IQGAP2: variants seen among roughly 807,000 people sequenced by gnomAD.
The protein encoded by IQGAP2 is IQ motif containing GTPase activating protein 2.
In IQGAP2, 173 loss-of-function variants were observed where a neutral mutation model predicts 201.3. That is an observed-to-expected ratio of 0.86 (90% confidence interval 0.76 to 0.98). The LOEUF (loss-of-function observed/expected upper bound fraction) is 0.98, where lower values mean the gene tolerates loss of function less well. Among genes scored for constraint, IQGAP2 ranks in the 50% least tolerant of loss-of-function variants. The pLI is 0.00. For missense variants in IQGAP2, 1,687 were observed against 1,864.8 expected, an observed-to-expected ratio of 0.90 and a Z score of 1.76; for synonymous variants, 675 against 673.9, an observed-to-expected ratio of 1.00 and a Z score of -0.03.
intron 11 of IQGAP2, among the ~76,000 whole-genome samples, chr5:76,605,246 CCAGGCAGAAAAAAAGTAA>C: frequency 6.6e-6 from 1 of 151,946 alleles, no homozygotes; most frequent in South Asian, 2.1e-4. Context: ...TGAAATTTCC[CCAGGCAGAAAAAAAGTAA>C]TTGGAGTGGT....
chr5:76,702,999 T>C (rs1747546455), intron 35 of IQGAP2, among the ~76,000 whole-genome samples: 1 of 139,350 alleles, frequency 7.2e-6, no homozygotes, highest in African/African-American at 2.6e-5. Flanking sequence ...ATGGTTTTTC[T>C]TTTTTGTGGG....
chr5:76,698,443 C>T (rs1007116375), intron 33 of IQGAP2, among the ~76,000 whole-genome samples: 1 of 151,988 alleles, frequency 6.6e-6, no homozygotes, highest in Non-Finnish European at 1.5e-5. Context: ...TCTTTTTTAG[C>T]CAAAGATTTT....
intron 11 of IQGAP2, among the ~76,000 whole-genome samples, chr5:76,604,416 A>C (rs1425872250): frequency 1.3e-5 from 2 of 151,984 alleles, no homozygotes; most frequent in Non-Finnish European, 2.9e-5. Context: ...AGTCTTTGCT[A>C]TTGTGAACAG....
chr5:76,484,453 G>A (rs1246585985), intron 2 of IQGAP2, among the ~76,000 whole-genome samples: 1 of 151,938 alleles, frequency 6.6e-6, no homozygotes, highest in African/African-American at 2.4e-5. Context: ...TCCTTTATGG[G>A]GTGTTCCCCC....
At chr5:76,633,553 A>G (rs1458254965) in intron 15 of IQGAP2, among the ~76,000 whole-genome samples, 15 of 152,158 alleles carry the variant, frequency 9.9e-5, no homozygotes, top group Admixed American at 6.5e-5. Flanking sequence ...AATAATTTAT[A>G]TGCCATAAAA....
intron 1 of IQGAP2, among the ~76,000 whole-genome samples, chr5:76,426,781 T>C (rs570815765): frequency 6.6e-6 from 1 of 152,138 alleles, no homozygotes; most frequent in East Asian, 1.9e-4. Context: ...GCTGCATGGG[T>C]AATGAGGAAG....
chr5:76,590,237 T>C (rs903081039), intron 7 of IQGAP2, among the ~76,000 whole-genome samples, 171 bp from the exon 8 acceptor site: 6 of 152,192 alleles, frequency 3.9e-5, no homozygotes, highest in Non-Finnish European at 5.9e-5. Flanking sequence ...AAGACAGCCA[T>C]GTGGAGAGGT....
chr5:76,537,851 A>G (rs1759715801), intron 2 of IQGAP2, among the ~76,000 whole-genome samples: 1 of 152,100 alleles, frequency 6.6e-6, no homozygotes, highest in African/African-American at 2.4e-5. Flanking sequence ...TGGTGTCACA[A>G]TTTGGACCCT....
At chr5:76,456,782 T>G (rs1400971111) in intron 1 of IQGAP2, among the ~76,000 whole-genome samples, 1 of 152,148 alleles carries the variant, frequency 6.6e-6, no homozygotes, top group African/African-American at 2.4e-5. Flanking sequence ...AATAACAATG[T>G]GTATTTATAA....
At chr5:76,702,756 C>T (rs1442724060) in intron 35 of IQGAP2, among the ~76,000 whole-genome samples, 166 bp downstream of exon 35, 1 of 140,364 alleles carries the variant, frequency 7.1e-6, no homozygotes, top group Admixed American at 7.2e-5. Flanking sequence ...AGAGCTGTGA[C>T]TTTTCAAATG....
intron 1 of IQGAP2, among the ~76,000 whole-genome samples, chr5:76,420,644 G>A (rs539447145): frequency 6.6e-6 from 1 of 152,192 alleles, no homozygotes; most frequent in East Asian, 1.9e-4. Context: ...CAAAGGGCTG[G>A]GATTACAGGC....
At chr5:76,464,998 G>A (rs1384288665) in intron 2 of IQGAP2, among the ~76,000 whole-genome samples, 1 of 152,128 alleles carries the variant, frequency 6.6e-6, no homozygotes, top group African/African-American at 2.4e-5. Flanking sequence ...AATGTTTAAA[G>A]AAGAATTAAG....
At chr5:76,705,736 G>A (rs1033455009) in intron 35 of IQGAP2, among the ~76,000 whole-genome samples, 1 of 152,196 alleles carries the variant, frequency 6.6e-6, no homozygotes, top group Non-Finnish European at 1.5e-5. Context: ...GGAAGTGGAG[G>A]AGGAAGCTGC....
intron 28 of IQGAP2, among the ~76,000 whole-genome samples, chr5:76,681,169 T>G (rs1745261759): frequency 6.6e-6 from 1 of 151,078 alleles, no homozygotes; most frequent in Non-Finnish European, 1.5e-5. Context: ...TATGTTTGAT[T>G]GGGGACTTGT....
chr5:76,672,575 T>C (rs1744431216), intron 24 of IQGAP2, among the ~76,000 whole-genome samples: 1 of 152,210 alleles, frequency 6.6e-6, no homozygotes, highest in Admixed American at 6.5e-5. Context: ...AATAAGTATT[T>C]GGAATCGTGG....
rs1015433888 is a variant in IQGAP2, at chr5:76,403,323, C to A, written c.-223C>A. ...GAGGCGGCGGCGACCGGCCAGGGAG[C>A]GAGGGAGGAGAGTTCACTTTTACTT... On this transcript the variant is annotated 5_prime_UTR_variant, in exon 1 of 36. Coordinates refer to ENST00000274364, the MANE Select transcript of IQGAP2 (RefSeq NM_006633.5). The surrounding 1 kb of genome is among the most constrained non-coding windows in gnomAD (Gnocchi z 4.8). The A allele has an allele frequency of 2.7e-6, 1 of 369,186 alleles. No homozygotes were observed. The highest frequency in any genetic ancestry group is 4.8e-6 in the Non-Finnish European group (1 of 208,196). The allele number at this position is 369,186 out of a possible 1,614,324, so 22.9% of individuals were successfully genotyped here.
intron 1 of IQGAP2, among the ~76,000 whole-genome samples, chr5:76,454,226 C>T (rs1753935062): frequency 6.6e-6 from 1 of 151,966 alleles, no homozygotes; most frequent in African/African-American, 2.4e-5. Flanking sequence ...GTATATGGGC[C>T]TTAATGTCTC....
chr5:76,691,447 A>G (rs1441396148), intron 30 of IQGAP2: 3 of 152,250 alleles, frequency 2.0e-5, no homozygotes, highest in Non-Finnish European at 4.4e-5. Context: ...CATTTTTTAA[A>G]TCATCCAAAG....
chr5:76,615,408 A>G (rs966651340), intron 13 of IQGAP2: 1 of 152,208 alleles, frequency 6.6e-6, no homozygotes, highest in Admixed American at 6.5e-5. Context: ...CCACACACAT[A>G]TTATAAAGGG....
Sources: allele counts gnomAD v4.1 joint callset (sites outside exome capture counted in the v4.1 genomes callset), GRCh38; gene constraint gnomAD v4.1.1; non-coding constraint Gnocchi (gnomAD v3.1); transcripts MANE v1.5; gene names NCBI Gene and HGNC (gene_info 2026-07-23, HGNC 2026-07-21).